ROBO2: variants seen among roughly 807,000 people sequenced by gnomAD.
ROBO2 encodes roundabout guidance receptor 2.
Under a neutral mutation model 160.8 loss-of-function variants are expected in ROBO2, and 53 were observed. That is an observed-to-expected ratio of 0.33 (90% CI 0.26 to 0.41). ROBO2 has a LOEUF of 0.41. Ranked by LOEUF, ROBO2 falls within the 10% of genes least tolerant of loss-of-function variation. The pLI, the probability that ROBO2 is intolerant of heterozygous loss-of-function variation, is 1.00. For synonymous variants in ROBO2, 664 were observed against 611.7 expected, an observed-to-expected ratio of 1.09 and a Z score of -1.26; for missense variants, 1,577 against 1,722.4, an observed-to-expected ratio of 0.92 and a Z score of 1.49.
chr3:76,485,702 G>T (rs2079455267), intron 2 of ROBO2, among the ~76,000 whole-genome samples: 1 of 152,068 alleles, frequency 6.6e-6, no homozygotes, highest in African/African-American at 2.4e-5. Flanking sequence ...GTTGCTGTTT[G>T]TACTGAAGTA....
rs1483164354 is a variant in ROBO2, at chr3:76,157,601, G to C, written c.109+219999G>C. 7.9e-5 allele frequency among the ~76,000 whole-genome samples: 12 copies of C among 152,074 alleles called. No individual in the cohort carries two copies. The South Asian group carries it at 2.3e-3, about 29-fold the overall frequency. ...AAGTGGTGGTTCTCATTTATGGGGG[G>C]GCTGCAAATGCTTTAGGGGTTAATT... is the stretch of plus-strand genomic sequence containing the variant. On this transcript the variant is annotated intron_variant, in intron 2 of 26. Coordinates refer to the ROBO2 transcript ENST00000487694.
chr3:77,416,919 G>A (rs1053562452), intron 2 of ROBO2, among the ~76,000 whole-genome samples: 2 of 152,074 alleles, frequency 1.3e-5, no homozygotes, highest in Admixed American at 6.5e-5. Context: ...CATTTGTCAA[G>A]ATGTAGATTG....
intron 2 of ROBO2, among the ~76,000 whole-genome samples, chr3:77,351,579 C>T (rs936892700): frequency 2.4e-4 from 36 of 152,152 alleles, no homozygotes; most frequent in South Asian, 8.3e-4. Flanking sequence ...CTACAGTCAC[C>T]AGGTATATTT....
chr3:76,661,506 G>C (rs1310842224), intron 2 of ROBO2, among the ~76,000 whole-genome samples: 1 of 152,264 alleles, frequency 6.6e-6, no homozygotes, highest in African/African-American at 2.4e-5. Flanking sequence ...ATTTAGAGGG[G>C]CAGAGATTAC....
rs549560589 is a variant in ROBO2, at chr3:77,185,969, G to T, written c.388+87629G>T. 5.1e-4 allele frequency among the ~76,000 whole-genome samples: 77 copies of T among 152,042 alleles called. 2 individuals carry two copies. The South Asian group carries it at 0.015, about 30-fold the overall frequency. ...CGTATGTTCTCACTCACAAGTGGTT[G>T]CTAAGCTATGAGGATGCAAAGGCAT... On this transcript the variant is annotated intron_variant, in intron 2 of 25. Transcript: ENST00000461745.
At chr3:76,902,009 A>G (rs1412253271) in intron 2 of ROBO2, among the ~76,000 whole-genome samples, 1 of 151,964 alleles carries the variant, frequency 6.6e-6, no homozygotes, top group Non-Finnish European at 1.5e-5. Context: ...CATGTTTTAT[A>G]TAATTTTTTA....
At chr3:77,638,777 C>T (rs1386899527) in intron 24 of ROBO2, among the ~76,000 whole-genome samples, 1 of 150,688 alleles carries the variant, frequency 6.6e-6, no homozygotes, top group African/African-American at 2.4e-5. Context: ...ACCTGTTTCT[C>T]CTAGATAATT....
In ROBO2 at chr3:76,275,119, C is replaced by T. The variant is rs138322315; in HGVS notation, c.109+337517C>T. ...GTAGACACAACAACAATAATTGCGCCGTGCAAGTGCTATGTGAGAGTGTCA... is the reference window on the plus strand; with the variant it reads ...GTAGACACAACAACAATAATTGCGCTGTGCAAGTGCTATGTGAGAGTGTCA... On this transcript the variant is annotated intron_variant, in intron 2 of 26. Coordinates refer to the ROBO2 transcript ENST00000487694. 6.4e-3 allele frequency among the ~76,000 whole-genome samples: 974 copies of T among 152,160 alleles called. 6 individuals are homozygous for T. Among genetic ancestry groups the T allele is most frequent in the Non-Finnish European group, 0.01 (707 of 68,004 alleles).
chr3:76,283,107 A>G (rs1418993937), intron 2 of ROBO2, among the ~76,000 whole-genome samples: 1 of 40,188 alleles, frequency 2.5e-5, no homozygotes, highest in Admixed American at 3.0e-4. Flanking sequence ...AAATAAATAT[A>G]ATAGTTATAT....
intron 2 of ROBO2, among the ~76,000 whole-genome samples, chr3:76,951,822 C>G (rs2078973849): frequency 6.6e-6 from 1 of 152,192 alleles, no homozygotes; most frequent in Non-Finnish European, 1.5e-5. Flanking sequence ...TTACTGTTCA[C>G]AAAGCCAACT....
chr3:77,595,022 T>C, intron 17 of ROBO2, 120 bp from the exon 19 acceptor site: 2 of 754,090 alleles, frequency 2.7e-6, no homozygotes, highest in Non-Finnish European at 4.6e-6. Flanking sequence ...GTTAATTATA[T>C]TTTGTTAAAA....
intron 2 of ROBO2, among the ~76,000 whole-genome samples, chr3:76,904,377 G>A (rs2075446591): frequency 1.3e-5 from 2 of 152,216 alleles, no homozygotes; most frequent in South Asian, 4.1e-4. Flanking sequence ...TGATGGTAAT[G>A]TTGCCAAATA....
chr3:76,279,399 A>T (rs1311774039), intron 2 of ROBO2, among the ~76,000 whole-genome samples: 1 of 151,910 alleles, frequency 6.6e-6, no homozygotes, highest in African/African-American at 2.4e-5. Flanking sequence ...TCTTTACTCA[A>T]ACTTTCTTAC....
intron 2 of ROBO2, among the ~76,000 whole-genome samples, chr3:76,891,934 G>A (rs2074374276): frequency 6.6e-6 from 1 of 152,136 alleles, no homozygotes; most frequent in Non-Finnish European, 1.5e-5. Context: ...GGAAGGGTCT[G>A]GGGGTCAGGA....
At chr3:75,928,211 C>G (rs1947368634) in intron 1 of ROBO2, among the ~76,000 whole-genome samples, 1 of 151,768 alleles carries the variant, frequency 6.6e-6, no homozygotes, top group Admixed American at 6.6e-5. Context: ...GTCTCTATCT[C>G]CTGACCTCGT....
At chr3:76,387,445 T>C (rs1249997018) in intron 2 of ROBO2, among the ~76,000 whole-genome samples, 2 of 151,500 alleles carry the variant, frequency 1.3e-5, no homozygotes, top group Non-Finnish European at 2.9e-5. Flanking sequence ...ATTTATTTTT[T>C]ATTTGTTAGA....
intron 2 of ROBO2, among the ~76,000 whole-genome samples, chr3:76,005,824 A>C (rs6793195): frequency 2.0e-5 from 3 of 152,176 alleles, no homozygotes; most frequent in Non-Finnish European, 4.4e-5. Flanking sequence ...TTGAAAATGT[A>C]GTCATTCAAA....
At chr3:77,532,141 C>T (rs1468991956) in intron 6 of ROBO2, among the ~76,000 whole-genome samples, 1 of 151,920 alleles carries the variant, frequency 6.6e-6, no homozygotes, top group African/African-American at 2.4e-5. Context: ...TGGTTCTAGC[C>T]TTGTGTACTT....
rs1196593185 is a variant in ROBO2, at chr3:76,622,231, GAAGGAAGAAAGAAAGAAAGA to G, written c.110-475779_110-475760del. On this transcript the variant is annotated intron_variant, in intron 2 of 26. Coordinates refer to the ROBO2 transcript ENST00000487694. ...GGAAGGAAGGAAGGAAGGAAGGAAG[GAAGGAAGAAAGAAAGAAAGA>G]AAGAAAGAAAGAAAGAAAGAAAGAA... Among the ~76,000 whole-genome samples, 224 of 36,218 alleles carry G rather than the reference GAAGGAAGAAAGAAAGAAAGA, an allele frequency of 6.2e-3. 3 individuals carry two copies. The highest frequency in any genetic ancestry group is 0.011 in the African/African-American group (114 of 10,040). The allele number at this position is 36,218 out of a possible 152,430, so 23.8% of individuals were successfully genotyped here.
Sources: gnomAD v4.1 joint callset for allele counts (sites outside exome capture counted in the v4.1 genomes callset) on GRCh38, gnomAD v4.1.1 for gene constraint, MANE v1.5 for transcripts, NCBI Gene and HGNC (gene_info 2026-07-23, HGNC 2026-07-21) for gene names.